ECD: variants seen among roughly 807,000 people sequenced by gnomAD.
The protein encoded by ECD is ecdysoneless cell cycle regulator, also known as protein ecdysoneless homolog.
Under a neutral mutation model 77.2 loss-of-function variants are expected in ECD, and 59 were observed. The observed-to-expected ratio is 0.76, with a 90% CI of 0.62 to 0.95. The LOEUF (loss-of-function observed/expected upper bound fraction) is 0.95, where lower values mean the gene tolerates loss of function less well. Ranked by LOEUF, ECD falls within the 40% of genes least tolerant of loss-of-function variation. The pLI is 0.00. For missense variants in ECD, 704 were observed against 763.4 expected (o/e 0.92, Z 0.92); for synonymous variants, 233 against 267.4 (o/e 0.87, Z 1.26).
At chr10:73,146,546 C>T (rs7907180) in intron 8 of ECD, among the ~76,000 whole-genome samples, 185 bp from the exon 9 acceptor site, 63 of 152,162 alleles carry the variant, frequency 4.1e-4, no homozygotes, top group Middle Eastern at 6.8e-3. Flanking sequence ...AATGAGGGGA[C>T]GCGGCTAGAT....
chr10:73,135,624 G>A (rs927834575), intron 13 of ECD, among the ~76,000 whole-genome samples: 1 of 151,996 alleles, frequency 6.6e-6, no homozygotes, highest in African/African-American at 2.4e-5. Context: ...GGGAGGCTGA[G>A]GCAGGAGAAT....
chr10:73,152,311 A>T lies in ECD; in HGVS notation c.894T>A (p.His298Gln). ...PPPSDPQYRA[H>Q]ELGMKLAHGF... ...ACATTACCAATTTCATGCCCAATTCATGGGCTCGGTACTGGGGATCAGATG... is the reference window on the plus strand; with the variant it reads ...ACATTACCAATTTCATGCCCAATTCTTGGGCTCGGTACTGGGGATCAGATG... Residue 298 changes from histidine to glutamine, a missense_variant, in exon 7 of 14, where the codon CAT becomes CAA. By Grantham distance (24) the His-to-Gln change is conservative. Coordinates refer to ENST00000372979, the MANE Select transcript of ECD (RefSeq NM_007265.3). The T allele has an allele frequency of 6.2e-7, 1 of 1,613,132 alleles. No individual in the cohort carries two copies. The highest frequency in any genetic ancestry group is 8.5e-7 in the Non-Finnish European group (1 of 1,179,312).
intron 13 of ECD, 82 bp from the exon 14 acceptor site, chr10:73,134,895 C>T: frequency 8.3e-7 from 1 of 1,202,890 alleles, no homozygotes; most frequent in Non-Finnish European, 1.2e-6. Context: ...ATAACTAAGC[C>T]ACAATGTAAA....
chr10:73,138,564 TTTTTG>T (rs1009476659), intron 11 of ECD, among the ~76,000 whole-genome samples: 3 of 152,040 alleles, frequency 2.0e-5, no homozygotes, highest in East Asian at 1.9e-4. Context: ...GTAACAGTTT[TTTTTG>T]TTTTGTTTTT....
At chr10:73,163,374 A>G (rs3812618) in intron 2 of ECD, among the ~76,000 whole-genome samples, 23,985 of 152,206 alleles carry the variant, frequency 0.16, 3,148 homozygotes, top group African/African-American at 0.34. Context: ...AAAATAAGGA[A>G]TCCTGAGTAA....
At chr10:73,154,525 T>C (rs534588477) in intron 5 of ECD, 77 bp from the exon 6 acceptor site, 84 of 1,354,372 alleles carry the variant, frequency 6.2e-5, no homozygotes, top group Non-Finnish European at 6.0e-5. Context: ...ACATTCTTTT[T>C]GACATCTCTT....
chr10:73,160,008 G>T (rs1208939015), intron 3 of ECD, among the ~76,000 whole-genome samples: 2 of 151,608 alleles, frequency 1.3e-5, no homozygotes, highest in Non-Finnish European at 2.9e-5. Flanking sequence ...GATATGGCTG[G>T]GCGCGGTGGC....
chr10:73,156,718 G>A, intron 3 of ECD, 63 bp from the exon 4 acceptor site: 3 of 1,404,784 alleles, frequency 2.1e-6, no homozygotes, highest in Non-Finnish European at 2.0e-6. Flanking sequence ...AACCAAAACA[G>A]TTTCATTCTA....
intron 7 of ECD, among the ~76,000 whole-genome samples, chr10:73,151,751 C>T (rs1453165109): frequency 2.0e-5 from 3 of 152,072 alleles, no homozygotes; most frequent in Non-Finnish European, 4.4e-5. Flanking sequence ...AATTAATTGG[C>T]TAGTATTATC....
In ECD at chr10:73,163,782, G is replaced by A. The variant is rs1314596569; in HGVS notation, c.156C>T (p.Pro52=). 2 of 1,614,106 alleles carry A rather than the reference G, an allele frequency of 1.2e-6. No homozygotes were observed. The highest frequency in any genetic ancestry group is 1.7e-6 in the Non-Finnish European group (2 of 1,180,028). The change falls in exon 2 of 14, where the codon CCC becomes CCT. Residue 52 remains proline, a synonymous_variant. Coordinates refer to ENST00000372979, the MANE Select transcript of ECD (RefSeq NM_007265.3). ...IITRFAPMLV[P]YIWQNQPFNL... ...TGAAAGGCTGATTCTGCCAGATGTAGGGGACCAGCATAGGTGCAAACCGAG... is the reference window on the plus strand; with the variant it reads ...TGAAAGGCTGATTCTGCCAGATGTAAGGGACCAGCATAGGTGCAAACCGAG...
intron 7 of ECD, among the ~76,000 whole-genome samples, chr10:73,151,464 C>T (rs189332860): frequency 3.3e-5 from 5 of 151,366 alleles, no homozygotes; most frequent in South Asian, 2.1e-4. Context: ...CAACATGGCG[C>T]GTGTATACGT....
At position 73,146,377 on chromosome 10, in the gene ECD, AGGTCTATC is replaced by A; in HGVS notation, c.1042-24_1042-17del. 1 of 1,465,826 alleles carries A rather than the reference AGGTCTATC, an allele frequency of 6.8e-7. No individual in the cohort carries two copies. Among genetic ancestry groups the A allele is most frequent in the Non-Finnish European group, 9.3e-7 (1 of 1,071,698 alleles). The allele number at this position is 1,465,826 out of a possible 1,614,324, so 90.8% of individuals were successfully genotyped here. On this transcript the variant is annotated splice_polypyrimidine_tract_variant and intron_variant, in intron 8 of 13. Coordinates refer to ENST00000372979, the MANE Select transcript of ECD (RefSeq NM_007265.3). ...CTATCAGTCCCTTAAAAAAAAAAAA[AGGTCTATC>A]AGAACATTACTCACAAGTTGTCATG...
intron 9 of ECD, among the ~76,000 whole-genome samples, chr10:73,141,984 C>G (rs951029994): frequency 3.3e-5 from 5 of 152,158 alleles, no homozygotes; most frequent in African/African-American, 1.2e-4. Flanking sequence ...AAGACAGGGT[C>G]TCACTCTGTC....
chr10:73,143,011 GCTTGCGGT>G (rs901204437), intron 9 of ECD, among the ~76,000 whole-genome samples: 11 of 151,992 alleles, frequency 7.2e-5, no homozygotes, highest in African/African-American at 2.7e-4. Flanking sequence ...TTACATAATG[GCTTGCGGT>G]CTTTCTCCTA....
At chr10:73,154,514 C>T in intron 5 of ECD, 66 bp from the exon 6 acceptor site, 1 of 1,407,416 alleles carries the variant, frequency 7.1e-7, no homozygotes, top group Admixed American at 2.7e-5. Context: ...TTATACCATT[C>T]ACATTCTTTT....
chr10:73,141,294 G>A (rs1317847159), intron 9 of ECD: 5 of 149,306 alleles, frequency 3.3e-5, no homozygotes, highest in Non-Finnish European at 7.4e-5. Flanking sequence ...ACGAGGTCAG[G>A]AGATCGAGAC....
In ECD at chr10:73,134,619, G is replaced by A. The variant is rs141955182; in HGVS notation, c.1899C>T (p.Thr633=). ...TTGGCTTACTTGTTGGTCTGTGATC[G>A]GTGTTGTCAGGCAGCTGCACTCCCA... ...QSMGVQLPDN[T]DHRPTSKPTK... The change falls in exon 14 of 14, where the codon ACC becomes ACT. Residue 633 remains threonine (T), a synonymous_variant. Transcript: ENST00000372979. 4.7e-5 allele frequency: 76 copies of A among 1,614,030 alleles called. No homozygotes were observed. Among genetic ancestry groups the A allele is most frequent in the African/African-American group, 2.4e-4 (18 of 74,926 alleles).
chr10:73,152,970 C>G (rs1467913969), intron 6 of ECD, among the ~76,000 whole-genome samples: 1 of 151,516 alleles, frequency 6.6e-6, no homozygotes, highest in East Asian at 2.0e-4. Flanking sequence ...AAATTCTTAT[C>G]ATTAGTTACA....
intron 3 of ECD, among the ~76,000 whole-genome samples, chr10:73,159,480 G>T (rs1843345723): frequency 6.6e-6 from 1 of 152,168 alleles, no homozygotes; most frequent in Non-Finnish European, 1.5e-5. Flanking sequence ...ATTTAATGGT[G>T]ATTACTTCTG....
Sources: allele counts gnomAD v4.1 joint callset (sites outside exome capture counted in the v4.1 genomes callset), GRCh38; gene constraint gnomAD v4.1.1; transcripts MANE v1.5; gene names NCBI Gene and HGNC (gene_info 2026-07-23, HGNC 2026-07-21).